Variants in DNAH14 observed in about 807,000 individuals in gnomAD.
DNAH14 encodes the protein dynein axonemal heavy chain 14, also known as axonemal beta dynein heavy chain 14.
Under a neutral mutation model 520.9 loss-of-function variants are expected in DNAH14, and 478 were observed. That is an observed-to-expected ratio of 0.92 (90% CI 0.85 to 0.99). The LOEUF is 0.99. Among genes scored for constraint, DNAH14 ranks in the 50% least tolerant of loss-of-function variants. The pLI is 0.00. For missense variants in DNAH14, 4,831 were observed against 5,234.5 expected (o/e 0.92, Z 2.38); for synonymous variants, 1,581 against 1,757.2 (o/e 0.90, Z 2.51).
chr1:225,394,913 T>C (rs1173571828), intron 84 of DNAH14, among the ~76,000 whole-genome samples: 1 of 151,932 alleles, frequency 6.6e-6, no homozygotes, highest in East Asian at 1.9e-4. Context: ...TTTGGTTCCA[T>C]ATGGGTACCC....
rs1183348774 is a variant in DNAH14 at position 225,232,165 on chromosome 1, A to G, written c.6518+1014A>G. 2.0e-5 allele frequency among the ~76,000 whole-genome samples: 3 copies of G among 152,122 alleles called. No homozygotes were observed. The East Asian group carries it at 5.8e-4, about 29-fold the overall frequency. On this transcript the variant is annotated intron_variant, in intron 42 of 85. Transcript: ENST00000682510. The surrounding 1 kb of genome is among the most constrained non-coding windows in gnomAD (Gnocchi z 4.2). ...TCCTGTATGATCTTCTGCCACTTGC[A>G]TCTTTTGTTCAACATTACATGTTTA...
At chr1:224,995,956 A>C (rs969625076) in intron 8 of DNAH14, among the ~76,000 whole-genome samples, 1 of 151,984 alleles carries the variant, frequency 6.6e-6, no homozygotes, top group Non-Finnish European at 1.5e-5. Context: ...TTAATTTTTT[A>C]TACATATCTT....
intron 3 of DNAH14, 110 bp downstream of exon 3, chr1:224,955,208 ATAT>A: frequency 8.5e-7 from 1 of 1,176,472 alleles, no homozygotes; most frequent in Non-Finnish European, 1.2e-6. Context: ...ACATATTGAA[ATAT>A]TAGTGTCTAT....
chr1:225,159,293 T>C, intron 34 of DNAH14, 21 bp from the exon 35 acceptor site: 2 of 1,545,036 alleles, frequency 1.3e-6, no homozygotes, highest in South Asian at 2.4e-5. Flanking sequence ...TCTCTGTGTT[T>C]GTTTTCTTCT....
chr1:225,368,887 A>G (rs2095584040), intron 77 of DNAH14, among the ~76,000 whole-genome samples: 1 of 152,204 alleles, frequency 6.6e-6, no homozygotes, highest in Non-Finnish European at 1.5e-5. Flanking sequence ...GTACCTAACC[A>G]GGAACATAAC....
chr1:225,311,035 A>C (rs112219991), intron 60 of DNAH14, among the ~76,000 whole-genome samples: 6,292 of 152,240 alleles, frequency 0.041, 188 homozygotes, highest in Middle Eastern at 0.075. Context: ...TGTCTTCCAC[A>C]ATGGTTGAAC....
At chr1:224,936,610 A>T (rs1468378250) in intron 1 of DNAH14, among the ~76,000 whole-genome samples, 1 of 151,916 alleles carries the variant, frequency 6.6e-6, no homozygotes, top group Non-Finnish European at 1.5e-5. Flanking sequence ...CTGGGACCTG[A>T]TGCCTTCACT....
chr1:225,199,672 A>C (rs1208051504), intron 38 of DNAH14, among the ~76,000 whole-genome samples: 1 of 152,084 alleles, frequency 6.6e-6, no homozygotes, highest in Non-Finnish European at 1.5e-5. Context: ...CTTGATTTCC[A>C]ATTTTATTTC....
chr1:224,960,150 C>A lies in DNAH14; in HGVS notation c.218-3C>A. ...ATTCAGTTAATAATGGTTTTATTTT[C>A]AGATTACCTTAGAGAAAGTATAATT... On this transcript the variant is annotated splice_polypyrimidine_tract_variant and splice_region_variant and intron_variant, in intron 3 of 85. Coordinates refer to ENST00000682510, the MANE Select transcript of DNAH14 (RefSeq NM_001367479.1). The A allele has an allele frequency of 6.4e-7, 1 of 1,567,658 alleles. No homozygotes were observed. Among genetic ancestry groups the A allele is most frequent in the Non-Finnish European group, 8.6e-7 (1 of 1,161,796 alleles).
intron 43 of DNAH14, among the ~76,000 whole-genome samples, chr1:225,250,995 G>T (rs1031524894): frequency 7.9e-5 from 12 of 152,054 alleles, no homozygotes; most frequent in African/African-American, 2.9e-4. Flanking sequence ...AATTTCTGTT[G>T]TTCAAGCCAC....
chr1:225,237,534 C>T (rs537330570), intron 42 of DNAH14, among the ~76,000 whole-genome samples: 3 of 152,176 alleles, frequency 2.0e-5, no homozygotes, highest in Non-Finnish European at 4.4e-5. Flanking sequence ...CTCTGGCTGC[C>T]CTTAACATTT....
chr1:225,345,064 A>G (rs1362431771), intron 69 of DNAH14, among the ~76,000 whole-genome samples: 2 of 152,074 alleles, frequency 1.3e-5, no homozygotes, highest in African/African-American at 4.8e-5. Context: ...TGATTGCCCA[A>G]ACTCGGTGGG....
intron 8 of DNAH14, among the ~76,000 whole-genome samples, chr1:224,997,817 A>C (rs1391035943): frequency 1.3e-5 from 2 of 152,038 alleles, no homozygotes; most frequent in Non-Finnish European, 2.9e-5. Flanking sequence ...TGATGAGTTC[A>C]TGTCCTTTGT....
chr1:225,129,330 A>C (rs1381058366), intron 27 of DNAH14, among the ~76,000 whole-genome samples: 1 of 152,120 alleles, frequency 6.6e-6, no homozygotes, highest in African/African-American at 2.4e-5. Context: ...TAAAGTTCTT[A>C]TGGAACCAAA....
At chr1:225,318,491 C>A (rs1225305487) in intron 60 of DNAH14, 92 bp from the exon 61 acceptor site, 5 of 1,122,002 alleles carry the variant, frequency 4.5e-6, no homozygotes, top group Non-Finnish European at 6.2e-6. Flanking sequence ...GTAAAAATAT[C>A]AAATTATATT....
In DNAH14 at chr1:225,007,530, A is replaced by G; in HGVS notation, c.1093A>G (p.Ser365Gly). The G allele has an allele frequency of 1.3e-6, 2 of 1,529,576 alleles. No individual in the cohort carries two copies. Among genetic ancestry groups the G allele is most frequent in the Non-Finnish European group, 1.8e-6 (2 of 1,135,216 alleles). The allele number at this position is 1,529,576 out of a possible 1,614,324, so 94.8% of individuals were successfully genotyped here. ...GAATAAAGCAATTTCAGAGATGAAA[A>G]GTACTTTTCTAAAGGTAATTCTTTA... ...IRNKAISEMKSTFLKVAEKNE... is the reference protein window; with the variant it reads ...IRNKAISEMKGTFLKVAEKNE... Residue 365 changes from serine to glycine, a missense_variant, in exon 10 of 86, where the codon AGT (serine) becomes GGT (glycine). Physicochemically the swap from Ser to Gly is moderately conservative, Grantham distance 56. Coordinates refer to ENST00000682510, the MANE Select transcript of DNAH14 (RefSeq NM_001367479.1).
chr1:225,248,899 G>A (rs1169829143), intron 43 of DNAH14, among the ~76,000 whole-genome samples: 1 of 152,142 alleles, frequency 6.6e-6, no homozygotes, highest in Non-Finnish European at 1.5e-5. Context: ...ATTAGAGTGG[G>A]GGCTTATAGA....
At chr1:224,957,678 G>A (rs1435008164) in intron 3 of DNAH14, among the ~76,000 whole-genome samples, 3 of 152,094 alleles carry the variant, frequency 2.0e-5, no homozygotes, top group African/African-American at 7.2e-5. Flanking sequence ...GTGGTCTAAA[G>A]TATCAAATAA....
At chr1:225,269,733 C>A (rs2093253313) in intron 49 of DNAH14, among the ~76,000 whole-genome samples, 2 of 152,174 alleles carry the variant, frequency 1.3e-5, no homozygotes. Flanking sequence ...AAAAAATGCT[C>A]ATCATCACTG....
Sources: gnomAD v4.1 joint callset for allele counts (sites outside exome capture counted in the v4.1 genomes callset) on GRCh38, gnomAD v4.1.1 for gene constraint, Gnocchi (gnomAD v3.1) non-coding constraint, MANE v1.5 for transcripts, NCBI Gene and HGNC (gene_info 2026-07-23, HGNC 2026-07-21) for gene names.